The following PPP1R1C variants were observed in gnomAD, a reference collection of about 807,000 sequenced individuals.
PPP1R1C encodes protein phosphatase 1 regulatory subunit 1C.
PPP1R1C carries 15 observed loss-of-function variants against 17.4 expected under a neutral mutation model. The observed-to-expected ratio is 0.86, with a 90% confidence interval of 0.58 to 1.33. The LOEUF (loss-of-function observed/expected upper bound fraction) is 1.33. Among genes scored for constraint, PPP1R1C ranks in the 40% most tolerant of loss-of-function variants. PPP1R1C has a pLI of 0.00. For missense variants in PPP1R1C, 143 were observed against 130.0 expected (o/e 1.10, Z -0.48); for synonymous variants, 35 against 43.1 (o/e 0.81, Z 0.73).
intron 2 of PPP1R1C, among the ~76,000 whole-genome samples, chr2:182,021,507 T>C (rs1303130940): frequency 6.6e-6 from 1 of 152,016 alleles, no homozygotes; most frequent in Non-Finnish European, 1.5e-5. Flanking sequence ...TTTGTATTTT[T>C]AGTAGAGACA....
chr2:182,033,350 A>G (rs568018287), intron 2 of PPP1R1C, among the ~76,000 whole-genome samples: 2 of 152,288 alleles, frequency 1.3e-5, no homozygotes, highest in Admixed American at 6.5e-5. Flanking sequence ...CTTTCAAATC[A>G]GTGTCTTGAG....
upstream of PPP1R1C, among the ~76,000 whole-genome samples, chr2:181,983,091 TAC>T (rs1559044839): frequency 6.6e-6 from 1 of 152,220 alleles, no homozygotes; most frequent in African/African-American, 2.4e-5. Context: ...TTCATTCATA[TAC>T]CACGTCATCT....
At chr2:182,005,174 A>G (rs1685880880) in intron 2 of PPP1R1C, among the ~76,000 whole-genome samples, 2 of 152,204 alleles carry the variant, frequency 1.3e-5, no homozygotes, top group Admixed American at 1.3e-4. Flanking sequence ...CAATATATAT[A>G]CTATAGGCTC....
intron 1 of PPP1R1C, among the ~76,000 whole-genome samples, chr2:181,958,652 A>G (rs1041556937): frequency 3.9e-5 from 6 of 152,242 alleles, no homozygotes; most frequent in African/African-American, 1.2e-4. Context: ...CTTCCCATCA[A>G]TAGACCCCTT....
intron 2 of PPP1R1C, among the ~76,000 whole-genome samples, chr2:181,993,314 G>C (rs1685518700): frequency 6.6e-6 from 1 of 152,102 alleles, no homozygotes; most frequent in Non-Finnish European, 1.5e-5. Context: ...TGATTGTGTT[G>C]TCAAGAGAAA....
At chr2:182,084,644 C>T (rs1458500652) in intron 4 of PPP1R1C, among the ~76,000 whole-genome samples, 1 of 152,082 alleles carries the variant, frequency 6.6e-6, no homozygotes, top group Admixed American at 6.6e-5. Context: ...ATGCCAATAC[C>T]ATGCTGTTTT....
At chr2:181,987,967 A>C (rs1685352930) in intron 2 of PPP1R1C, 68 bp downstream of exon 2, 1 of 1,325,260 alleles carries the variant, frequency 7.5e-7, no homozygotes, top group African/African-American at 1.5e-5. Context: ...ATCAAAGTAC[A>C]TGTCGTACTG....
chr2:182,055,202 C>T (rs1384493107), intron 2 of PPP1R1C, among the ~76,000 whole-genome samples: 1 of 152,098 alleles, frequency 6.6e-6, no homozygotes. Context: ...TGCATACATA[C>T]TTATCACAGT....
chr2:182,001,428 T>G (rs1424494180), intron 2 of PPP1R1C, among the ~76,000 whole-genome samples: 1 of 152,142 alleles, frequency 6.6e-6, no homozygotes, highest in Non-Finnish European at 1.5e-5. Context: ...AATAAAATGG[T>G]AATGCTGGAA....
At chr2:181,977,314 C>T (rs1168845267) in intron 2 of PPP1R1C, among the ~76,000 whole-genome samples, 2 of 151,928 alleles carry the variant, frequency 1.3e-5, no homozygotes, top group East Asian at 3.9e-4. Flanking sequence ...CCTAAAGAAA[C>T]TCTCTTCAAT....
At position 181,961,869 on chromosome 2, in the gene PPP1R1C, C is replaced by T. The variant is rs143040120; in HGVS notation, n.111+7235C>T. 1.2e-3 allele frequency: 1,026 copies of T among 840,684 alleles called. 2 individuals carry two copies. Among genetic ancestry groups the T allele is most frequent in the Middle Eastern group, 3.2e-3 (10 of 3,158 alleles). The allele number at this position is 840,684 out of a possible 1,614,324, so 52.1% of individuals were successfully genotyped here. A position where few individuals can be genotyped will look rare whatever the true frequency, so the allele number is the denominator to read the frequency against. On this transcript the variant is annotated intron_variant and non_coding_transcript_variant, in intron 1 of 5. Transcript: ENST00000464264. The surrounding 1 kb of genome is among the most constrained non-coding windows in gnomAD (Gnocchi z 5.8). Reference sequence around the variant, plus strand: ...TGAAGAGCAGCTCCTCCTTGAGAGCCTCCATCTCTGTCTCCAGTGGCAGCC... The same window carrying T: ...TGAAGAGCAGCTCCTCCTTGAGAGCTTCCATCTCTGTCTCCAGTGGCAGCC...
At chr2:182,046,811 G>GTACAA (rs1687362510) in intron 2 of PPP1R1C, among the ~76,000 whole-genome samples, 1 of 151,754 alleles carries the variant, frequency 6.6e-6, no homozygotes, top group South Asian at 2.1e-4. Flanking sequence ...GTAATTAAAT[G>GTACAA]TACAATATAT....
At chr2:182,083,079 G>C (rs928058091) in intron 4 of PPP1R1C, among the ~76,000 whole-genome samples, 1 of 152,094 alleles carries the variant, frequency 6.6e-6, no homozygotes, top group Non-Finnish European at 1.5e-5. Context: ...AGAAGTTTGA[G>C]GTATTTGTGA....
chr2:182,056,033 C>A (rs1687674628), intron 2 of PPP1R1C, among the ~76,000 whole-genome samples: 1 of 152,044 alleles, frequency 6.6e-6, no homozygotes, highest in South Asian at 2.1e-4. Context: ...AGAATGAGAT[C>A]CTAATTGGGA....
intron 2 of PPP1R1C, among the ~76,000 whole-genome samples, chr2:181,978,930 T>C (rs1487403131): frequency 6.6e-6 from 1 of 152,154 alleles, no homozygotes; most frequent in African/African-American, 2.4e-5. Context: ...GTGTCAGGCA[T>C]GTGAGTAAAG....
chr2:182,017,373 A>G (rs1014892007), intron 2 of PPP1R1C, among the ~76,000 whole-genome samples: 5 of 152,072 alleles, frequency 3.3e-5, no homozygotes, highest in Non-Finnish European at 7.4e-5. Flanking sequence ...TTAAATCACT[A>G]TCACCAGAAT....
intron 2 of PPP1R1C, among the ~76,000 whole-genome samples, chr2:182,037,581 A>C (rs1687048987): frequency 6.9e-6 from 1 of 144,716 alleles, no homozygotes; most frequent in South Asian, 2.3e-4. Context: ...GCAAGAATCC[A>C]TCTCAAAAAA....
At chr2:182,062,475 G>A (rs1330561509) in intron 3 of PPP1R1C, among the ~76,000 whole-genome samples, 1 of 152,060 alleles carries the variant, frequency 6.6e-6, no homozygotes, top group Non-Finnish European at 1.5e-5. Context: ...TGAAACAGTA[G>A]AAGTGCCCCA....
chr2:182,027,955 G>A (rs1413372242), intron 2 of PPP1R1C, among the ~76,000 whole-genome samples: 14 of 129,526 alleles, frequency 1.1e-4, no homozygotes, highest in Non-Finnish European at 2.3e-4. Flanking sequence ...TGTATGTGTC[G>A]AGGAATTTAT....
Sources: gnomAD v4.1 joint callset for allele counts (sites outside exome capture counted in the v4.1 genomes callset) on GRCh38, gnomAD v4.1.1 for gene constraint, Gnocchi (gnomAD v3.1) non-coding constraint, MANE v1.5 for transcripts, NCBI Gene and HGNC (gene_info 2026-07-23, HGNC 2026-07-21) for gene names.